Variants in PLPPR1 observed in about 807,000 individuals in gnomAD.
The protein encoded by PLPPR1 is phospholipid phosphatase related 1.
PLPPR1 carries 10 observed loss-of-function variants against 33.1 expected under a neutral mutation model. The ratio of observed to expected loss-of-function variants is 0.30; its 90% CI spans 0.19 to 0.51. The LOEUF (loss-of-function observed/expected upper bound fraction) is 0.51. PLPPR1 is among the 20% of genes least tolerant of loss of function. The pLI, the probability that PLPPR1 is intolerant of heterozygous loss-of-function variation, is 0.97. For missense variants in PLPPR1, 304 were observed against 408.1 expected (o/e 0.74, Z 2.20); for synonymous variants, 151 against 151.0 (o/e 1.00, Z 0.00).
chr9:101,218,818 A>G lies in PLPPR1; in HGVS notation c.63+33261A>G, dbSNP rs1052185102. 9.8e-5 allele frequency among the ~76,000 whole-genome samples: 15 copies of G among 152,342 alleles called. 1 individual carries two copies. The South Asian group carries it at 3.1e-3, about 32-fold the overall frequency. ...CCATTAAAACACGGATAATAAAAAGACTATTATAAAGATTTCACCAACAGA... is the reference window on the plus strand; with the variant it reads ...CCATTAAAACACGGATAATAAAAAGGCTATTATAAAGATTTCACCAACAGA... On this transcript the variant is annotated intron_variant, in intron 2 of 7. Coordinates refer to ENST00000374874, the MANE Select transcript of PLPPR1 (RefSeq NM_207299.2).
At chr9:101,293,434 A>G (rs1828558422) in intron 4 of PLPPR1, among the ~76,000 whole-genome samples, 1 of 152,022 alleles carries the variant, frequency 6.6e-6, no homozygotes, top group Non-Finnish European at 1.5e-5. Flanking sequence ...AATTGAACTC[A>G]GCTCTGCACC....
At chr9:101,256,230 G>T (rs903854812) in intron 2 of PLPPR1, among the ~76,000 whole-genome samples, 2 of 152,076 alleles carry the variant, frequency 1.3e-5, no homozygotes, top group African/African-American at 4.8e-5. Context: ...CTTTAAAACA[G>T]GATATATGTG....
At chr9:101,180,455 A>G (rs1263188998) in intron 1 of PLPPR1, among the ~76,000 whole-genome samples, 3 of 151,646 alleles carry the variant, frequency 2.0e-5, no homozygotes, top group Non-Finnish European at 4.4e-5. Flanking sequence ...AAAAAGAATA[A>G]AACGGAATGC....
Position 101,118,978 on chromosome 9 carries a change from T to C in PLPPR1, c.-45-66472T>C, listed in dbSNP as rs552440285. 3.9e-5 allele frequency among the ~76,000 whole-genome samples: 6 copies of C among 152,204 alleles called. No homozygotes were observed. The East Asian group carries it at 1.2e-3, about 29-fold the overall frequency. On this transcript the variant is annotated intron_variant, in intron 1 of 7. Coordinates refer to ENST00000374874, the MANE Select transcript of PLPPR1 (RefSeq NM_207299.2). ...ATGACATCCATGAAACATGAGAAGT[T>C]CGTTTCTAGAAGCTCCTGAAGGACT...
intron 2 of PLPPR1, among the ~76,000 whole-genome samples, chr9:101,253,225 CT>C (rs200875673): frequency 9.4e-5 from 14 of 148,312 alleles, no homozygotes; most frequent in East Asian, 4.0e-4. Flanking sequence ...AATCAGGTGT[CT>C]TTTTTTTTTA....
chr9:101,278,549 C>T (rs1223374386), intron 3 of PLPPR1, among the ~76,000 whole-genome samples: 1 of 152,170 alleles, frequency 6.6e-6, no homozygotes, highest in African/African-American at 2.4e-5. Context: ...CCAACCATCA[C>T]AACATTGAGA....
chr9:101,252,948 A>G (rs1827737951), intron 2 of PLPPR1, among the ~76,000 whole-genome samples: 1 of 152,094 alleles, frequency 6.6e-6, no homozygotes, highest in African/African-American at 2.4e-5. Context: ...TTCATTACCT[A>G]AGTCCCTAAT....
At chr9:101,050,551 G>A (rs1389420063) in intron 1 of PLPPR1, among the ~76,000 whole-genome samples, 1 of 152,202 alleles carries the variant, frequency 6.6e-6, no homozygotes, top group Admixed American at 6.5e-5. Flanking sequence ...GCAAAGCCAA[G>A]TGTGAAGAGA....
At chr9:101,046,239 T>G (rs1206736077) in intron 1 of PLPPR1, among the ~76,000 whole-genome samples, 2 of 151,992 alleles carry the variant, frequency 1.3e-5, no homozygotes, top group Non-Finnish European at 2.9e-5. Flanking sequence ...ACTTTTCCCT[T>G]GCTTTTGTCT....
intron 1 of PLPPR1, among the ~76,000 whole-genome samples, chr9:101,140,353 TG>T (rs1831434119): frequency 6.6e-6 from 1 of 152,190 alleles, no homozygotes; most frequent in African/African-American, 2.4e-5. Context: ...TACTAGACTC[TG>T]GTTGTTACTG....
intron 1 of PLPPR1, among the ~76,000 whole-genome samples, chr9:101,037,854 GT>G (rs34419550): frequency 7.4e-4 from 103 of 138,750 alleles, no homozygotes; most frequent in Admixed American, 8.7e-4. Context: ...TTTGGGTCTA[GT>G]TTTTTTTTTT....
intron 1 of PLPPR1, among the ~76,000 whole-genome samples, chr9:101,107,784 T>C (rs1164973485): frequency 2.8e-5 from 4 of 140,552 alleles, no homozygotes; most frequent in Admixed American, 2.8e-4. Context: ...CAGACTGCTG[T>C]GCTAGCAATC....
At chr9:101,180,130 A>G (rs1826079912) in intron 1 of PLPPR1, among the ~76,000 whole-genome samples, 2 of 50,332 alleles carry the variant, frequency 4.0e-5, no homozygotes, top group African/African-American at 1.1e-4. Context: ...ATATATATAT[A>G]TATATATATA....
chr9:101,134,371 T>C (rs1831352199), intron 1 of PLPPR1, among the ~76,000 whole-genome samples: 1 of 148,324 alleles, frequency 6.7e-6, no homozygotes, highest in Admixed American at 7.0e-5. Flanking sequence ...TATATTGTGG[T>C]CTGTAAGAAC....
intron 1 of PLPPR1, among the ~76,000 whole-genome samples, chr9:101,150,988 T>C (rs1270029173): frequency 1.3e-5 from 2 of 152,202 alleles, no homozygotes; most frequent in Non-Finnish European, 2.9e-5. Context: ...CTGTAGTTTA[T>C]ACTTGGGACA....
intron 4 of PLPPR1, among the ~76,000 whole-genome samples, chr9:101,291,637 A>C (rs1178050807): frequency 1.3e-5 from 2 of 152,180 alleles, no homozygotes; most frequent in African/African-American, 2.4e-5. Flanking sequence ...GTTTACGAAA[A>C]TCCGCTGTTC....
chr9:101,293,351 A>ATTGTG (rs1828556050), intron 4 of PLPPR1, among the ~76,000 whole-genome samples: 1 of 151,932 alleles, frequency 6.6e-6, no homozygotes, highest in South Asian at 2.1e-4. Flanking sequence ...CACAATAATA[A>ATTGTG]TGGGAGACTT....
chr9:101,153,104 A>G (rs1020621554), intron 1 of PLPPR1, among the ~76,000 whole-genome samples: 2 of 152,152 alleles, frequency 1.3e-5, no homozygotes, highest in Non-Finnish European at 2.9e-5. Context: ...CTCCTTGAAG[A>G]GGTCCTTCAC....
intron 1 of PLPPR1, among the ~76,000 whole-genome samples, chr9:101,152,377 T>C (rs1343687292): frequency 6.6e-6 from 1 of 152,244 alleles, no homozygotes; most frequent in Non-Finnish European, 1.5e-5. Context: ...TAGTTTATTT[T>C]GCTGTGCAGA....
Sources: gnomAD v4.1 joint callset for allele counts (sites outside exome capture counted in the v4.1 genomes callset) on GRCh38, gnomAD v4.1.1 for gene constraint, MANE v1.5 for transcripts, NCBI Gene and HGNC (gene_info 2026-07-23, HGNC 2026-07-21) for gene names.